The following COG5 variants were observed in gnomAD, a reference collection of about 807,000 sequenced individuals.
COG5 encodes the protein conserved oligomeric Golgi complex subunit 5.
In COG5, 86 loss-of-function variants were observed where a neutral mutation model predicts 110.4. That is an observed-to-expected ratio of 0.78 (90% CI 0.65 to 0.93). The LOEUF (loss-of-function observed/expected upper bound fraction) is 0.93, where lower values mean the gene tolerates loss of function less well. Ranked by LOEUF, COG5 falls within the 40% of genes least tolerant of loss-of-function variation. The pLI is 0.00. For synonymous variants in COG5, 360 were observed against 334.6 expected (o/e 1.08, Z -0.83); for missense variants, 1,077 against 987.0 (o/e 1.09, Z -1.22).
chr7:107,443,614 ATGC>A (rs958466286), intron 6 of COG5, among the ~76,000 whole-genome samples: 3 of 151,960 alleles, frequency 2.0e-5, no homozygotes, highest in South Asian at 2.1e-4. Flanking sequence ...ACTTTAAATT[ATGC>A]TGCTAATAAA....
chr7:107,487,308 T>C (rs1437592559), intron 6 of COG5, among the ~76,000 whole-genome samples: 1 of 151,936 alleles, frequency 6.6e-6, no homozygotes, highest in Non-Finnish European at 1.5e-5. Flanking sequence ...CAAAAACAAA[T>C]CCAAATTAGA....
intron 6 of COG5, among the ~76,000 whole-genome samples, chr7:107,446,775 G>A (rs545131434): frequency 6.6e-6 from 1 of 152,182 alleles, no homozygotes; most frequent in Admixed American, 6.5e-5. Context: ...TCACACCCTG[G>A]CTGACAACTT....
intron 10 of COG5, among the ~76,000 whole-genome samples, chr7:107,359,508 G>A (rs73415478): frequency 0.014 from 2,125 of 152,246 alleles, 48 homozygotes; most frequent in African/African-American, 0.047. Flanking sequence ...AGAAATGGGC[G>A]AGTCCATGGT....
chr7:107,467,779 C>T (rs1429676622), intron 6 of COG5, among the ~76,000 whole-genome samples: 1 of 152,134 alleles, frequency 6.6e-6, no homozygotes, highest in Non-Finnish European at 1.5e-5. Context: ...CCTTGTTAAT[C>T]ACCAATTTGT....
chr7:107,547,935 T>C (rs1169595965), intron 5 of COG5, 176 bp downstream of exon 5: 13 of 623,336 alleles, frequency 2.1e-5, no homozygotes, highest in African/African-American at 5.6e-5. Flanking sequence ...AAGAATTTGC[T>C]TTAGATTTGT....
chr7:107,261,078 G>C (rs1019237832), intron 14 of COG5, among the ~76,000 whole-genome samples: 4 of 152,056 alleles, frequency 2.6e-5, no homozygotes, highest in African/African-American at 9.7e-5. Context: ...GGTGGGCCCT[G>C]AGGAACCCGC....
chr7:107,374,514 T>C (rs1217736599), intron 7 of COG5, among the ~76,000 whole-genome samples: 1 of 152,080 alleles, frequency 6.6e-6, no homozygotes, highest in South Asian at 2.1e-4. Context: ...GTAAGATTTA[T>C]GCATACAACA....
At chr7:107,365,618 A>AG (rs1405161036) in intron 8 of COG5, among the ~76,000 whole-genome samples, 1 of 150,342 alleles carries the variant, frequency 6.7e-6, no homozygotes, top group African/African-American at 2.5e-5. Flanking sequence ...AAAAAAAAAA[A>AG]AAAAGAAAAG....
At chr7:107,512,097 A>T (rs1024191741) in intron 6 of COG5, among the ~76,000 whole-genome samples, 2 of 152,210 alleles carry the variant, frequency 1.3e-5, no homozygotes, top group African/African-American at 4.8e-5. Context: ...GAAAATAGGA[A>T]GCCAAATTGT....
chr7:107,298,733 A>G (rs1015715886), intron 11 of COG5, among the ~76,000 whole-genome samples: 1 of 152,200 alleles, frequency 6.6e-6, no homozygotes, highest in African/African-American at 2.4e-5. Context: ...CAGCAAACAC[A>G]CATTCTTTTC....
Position 107,294,879 on chromosome 7 carries a change from ATT to A in COG5, c.1313+3261_1313+3262del, listed in dbSNP as rs1191887394. Among the ~76,000 whole-genome samples, 13 of 36,936 alleles carry A rather than the reference ATT, an allele frequency of 3.5e-4. No individual in the cohort carries two copies. In the Admixed American group the frequency reaches 4.6e-3, roughly 13 times the overall value. The allele number at this position is 36,936 out of a possible 152,430, so 24.2% of individuals were successfully genotyped here. A position where few individuals can be genotyped will look rare whatever the true frequency, so the allele number is the denominator to read the frequency against. The stretch of plus-strand genomic sequence containing the variant: ...TATAGGCATGTGCCACCATGCCTGG[ATT>A]TGTGTGTGTGTGTGTGTGTGTGTGT... On this transcript the variant is annotated intron_variant, in intron 12 of 21. Coordinates refer to ENST00000297135, the MANE Select transcript of COG5 (RefSeq NM_006348.5).
At chr7:107,550,336 T>G (rs1403758804) in intron 3 of COG5, among the ~76,000 whole-genome samples, 1 of 152,226 alleles carries the variant, frequency 6.6e-6, no homozygotes, top group African/African-American at 2.4e-5. Context: ...CCATTGCCTT[T>G]TTCTACAGAG....
At chr7:107,253,697 A>T (rs751147549) in intron 16 of COG5, among the ~76,000 whole-genome samples, 23 of 152,158 alleles carry the variant, frequency 1.5e-4, no homozygotes, top group Non-Finnish European at 2.9e-4. Flanking sequence ...CTCTCCACCC[A>T]ACCCCTGCTC....
At chr7:107,513,033 C>T (rs1799647260) in intron 6 of COG5, among the ~76,000 whole-genome samples, 1 of 151,912 alleles carries the variant, frequency 6.6e-6, no homozygotes, top group Non-Finnish European at 1.5e-5. Flanking sequence ...CAACAAAAGA[C>T]AAAATTGACA....
Position 107,324,613 on chromosome 7 carries a change from T to G in COG5, c.1027-92A>C, listed in dbSNP as rs1809607327. 6.1e-6 allele frequency: 4 copies of G among 659,190 alleles called. No homozygotes were observed. In the South Asian group the frequency reaches 8.3e-5, roughly 14 times the overall value. The allele number at this position is 659,190 out of a possible 1,614,324, so 40.8% of individuals were successfully genotyped here. A position where few individuals can be genotyped will look rare whatever the true frequency, so the allele number is the denominator to read the frequency against. Reference sequence around the variant, plus strand: ...GTAACACGTAACCTTGAAAAGTTATTTAAAATTTAAATAAAAATTTTAGAC... The same window carrying G: ...GTAACACGTAACCTTGAAAAGTTATGTAAAATTTAAATAAAAATTTTAGAC... On this transcript the variant is annotated intron_variant, in intron 10 of 21. Coordinates refer to ENST00000297135, the MANE Select transcript of COG5 (RefSeq NM_006348.5).
intron 16 of COG5, among the ~76,000 whole-genome samples, chr7:107,249,690 TTGTGTGTGTGTGTGTGTGTGTGTG>T (rs57572752): frequency 3.0e-5 from 4 of 131,656 alleles, no homozygotes; most frequent in African/African-American, 8.1e-5. Context: ...ACGTACAGGA[TTGTGTGTGTGTGTGTGTGTGTGTG>T]TGTGTGTGTG....
At chr7:107,298,713 T>A (rs934281152) in intron 11 of COG5, among the ~76,000 whole-genome samples, 3 of 152,150 alleles carry the variant, frequency 2.0e-5, no homozygotes, top group Non-Finnish European at 4.4e-5. Flanking sequence ...ACACAATACT[T>A]CATGCAAAAC....
At chr7:107,544,652 G>A (rs1408088094) in intron 5 of COG5, among the ~76,000 whole-genome samples, 2 of 152,170 alleles carry the variant, frequency 1.3e-5, no homozygotes, top group East Asian at 3.9e-4. Context: ...AGGCTAATTG[G>A]TGAAGAACTT....
intron 6 of COG5, among the ~76,000 whole-genome samples, chr7:107,434,215 T>A (rs1712324166): frequency 6.6e-6 from 1 of 152,168 alleles, no homozygotes; most frequent in Non-Finnish European, 1.5e-5. Context: ...GTGCATTGTG[T>A]CTAGAAATGC....
Sources: gnomAD v4.1 joint callset for allele counts (sites outside exome capture counted in the v4.1 genomes callset) on GRCh38, gnomAD v4.1.1 for gene constraint, MANE v1.5 for transcripts, NCBI Gene and HGNC (gene_info 2026-07-23, HGNC 2026-07-21) for gene names.